MDM1: variants seen among roughly 807,000 people sequenced by gnomAD.
MDM1 encodes Mdm1 nuclear protein.
In MDM1, 61 loss-of-function variants were observed where a neutral mutation model predicts 89.1. The ratio of observed to expected loss-of-function variants is 0.68; its 90% CI spans 0.56 to 0.85. MDM1 has a LOEUF of 0.85. Ranked by LOEUF, MDM1 falls within the 40% of genes least tolerant of loss-of-function variation. The probability of loss-of-function intolerance (pLI) is 0.00; values close to 1 mark genes in which losing one functional copy is unlikely to be tolerated. For missense variants in MDM1, 820 were observed against 846.5 expected (o/e 0.97, Z 0.39); for synonymous variants, 290 against 294.1 (o/e 0.99, Z 0.14).
rs146065634 is a variant in MDM1 at position 68,299,030 on chromosome 12, T to C, written c.2003-2048A>G. On this transcript the variant is annotated intron_variant, in intron 13 of 14. Transcript: ENST00000682720. ...AGACTCTCTATAACCAAAGAACTTA[T>C]AAAGACTCTTCACCCCTAAAAGCAC... 1.0e-2 allele frequency among the ~76,000 whole-genome samples: 1,519 copies of C among 152,046 alleles called. 27 individuals carry two copies. The highest frequency in any genetic ancestry group is 0.035 in the African/African-American group (1,463 of 41,454).
chr12:68,318,050 G>A (rs1474725425), intron 7 of MDM1, among the ~76,000 whole-genome samples: 2 of 152,200 alleles, frequency 1.3e-5, no homozygotes, highest in Non-Finnish European at 2.9e-5. Flanking sequence ...TAAGCACTGA[G>A]CCCACAACCT....
rs1875874984 is a variant in MDM1 at position 68,325,709 on chromosome 12, A to C, written c.499-134T>G. 3 of 1,350,074 alleles carry C rather than the reference A, an allele frequency of 2.2e-6. No individual in the cohort carries two copies. In the South Asian group the frequency reaches 6.5e-5, roughly 29 times the overall value. The allele number at this position is 1,350,074 out of a possible 1,614,324, so 83.6% of individuals were successfully genotyped here. ...TTAAATCTACAGTGCAAAATTGTTA[A>C]CTACATGCGCATTGTGGTACAGCAA... On this transcript the variant is annotated intron_variant, in intron 3 of 14. Coordinates refer to ENST00000682720, the MANE Select transcript of MDM1 (RefSeq NM_001354969.2).
In MDM1 at chr12:68,326,685, T is replaced by C. The variant is rs1438559207; in HGVS notation, c.470A>G (p.Lys157Arg). 1 of 1,614,180 alleles carries C rather than the reference T, an allele frequency of 6.2e-7. No individual in the cohort carries two copies. The highest frequency in any genetic ancestry group is 1.1e-5 in the South Asian group (1 of 91,080). ...ATTATCTACATTTTCTGAAAGAACC[T>C]TGGTAGAATGTTCCAGTTCCACATT... ...NENVELEHST[K>R]VLSENVDNGL... is the part of the protein sequence containing the mutation. Residue 157 changes from lysine to arginine, a missense_variant, in exon 3 of 15, where the codon AAG (lysine) becomes AGG (arginine). Transcript: ENST00000682720.
At chr12:68,317,263 A>T (rs1453289672) in intron 7 of MDM1, among the ~76,000 whole-genome samples, 1 of 152,154 alleles carries the variant, frequency 6.6e-6, no homozygotes, top group Non-Finnish European at 1.5e-5. Flanking sequence ...GGCTTCTCCA[A>T]GTACAATTCC....
intron 2 of MDM1, chr12:68,327,506 A>T: frequency 1.3e-6 from 2 of 1,535,658 alleles, no homozygotes; most frequent in South Asian, 2.4e-5. Flanking sequence ...ATCTGCCTTG[A>T]TTTCCTGAGA....
At chr12:68,300,693 A>G (rs1232802611) in intron 13 of MDM1, among the ~76,000 whole-genome samples, 2 of 152,242 alleles carry the variant, frequency 1.3e-5, no homozygotes, top group Non-Finnish European at 2.9e-5. Context: ...GAAATGAAGT[A>G]GACAGCGACA....
intron 12 of MDM1, among the ~76,000 whole-genome samples, chr12:68,305,224 T>G (rs1471522434): frequency 1.3e-5 from 2 of 152,164 alleles, no homozygotes; most frequent in African/African-American, 4.8e-5. Context: ...TATCCCTTCA[T>G]GATAAAAATC....
chr12:68,314,613 T>C (rs1042487554), intron 10 of MDM1, among the ~76,000 whole-genome samples: 2 of 152,224 alleles, frequency 1.3e-5, no homozygotes, highest in African/African-American at 4.8e-5. Context: ...CATCTGATAT[T>C]AAAGAACACC....
intron 4 of MDM1, among the ~76,000 whole-genome samples, chr12:68,324,422 C>T (rs1188613860): frequency 6.6e-6 from 1 of 152,038 alleles, no homozygotes; most frequent in Admixed American, 6.5e-5. Context: ...GTATTTATCA[C>T]TTTGTTACTT....
At position 68,326,708 on chromosome 12, in the gene MDM1, ATTTT is replaced by A; in HGVS notation, c.443_446del (p.Glu148ValfsTer15). ...CCTTGGTAGAATGTTCCAGTTCCAC[ATTTT>A]CATTAACTGGTGTATGGTTTGTTAC... On this transcript the variant is annotated frameshift_variant, in exon 3 of 15. Transcript: ENST00000682720. LOFTEE classifies it high-confidence loss of function. The A allele has an allele frequency of 6.2e-7, 1 of 1,614,080 alleles. No homozygotes were observed. Among genetic ancestry groups the A allele is most frequent in the Non-Finnish European group, 8.5e-7 (1 of 1,180,006 alleles).
At chr12:68,295,407 A>G (rs1030600549) in intron 14 of MDM1, 41 bp from the exon 15 acceptor site, 1 of 1,198,296 alleles carries the variant, frequency 8.3e-7, no homozygotes. Flanking sequence ...ATTGCCAAAA[A>G]TATCTATTAA....
At chr12:68,331,895 T>C in intron 1 of MDM1, 1 of 628,444 alleles carries the variant, frequency 1.6e-6, no homozygotes, top group Non-Finnish European at 3.0e-6. Flanking sequence ...CTAAGCTAAA[T>C]GGGCCACAGG....
intron 3 of MDM1, 34 bp downstream of exon 3, chr12:68,326,623 T>C (rs755062710): frequency 5.0e-6 from 8 of 1,614,012 alleles, no homozygotes; most frequent in South Asian, 2.2e-5. Flanking sequence ...AAGAATTCTA[T>C]GCTTTTGAAA....
intron 12 of MDM1, among the ~76,000 whole-genome samples, chr12:68,303,387 C>T (rs915837299): frequency 1.3e-5 from 2 of 152,076 alleles, no homozygotes; most frequent in Non-Finnish European, 2.9e-5. Context: ...GAGAAACTGG[C>T]AACCTCATAG....
chr12:68,307,562 G>A (rs147503749), intron 12 of MDM1, among the ~76,000 whole-genome samples: 127 of 152,242 alleles, frequency 8.3e-4, no homozygotes, highest in Non-Finnish European at 1.4e-3. Flanking sequence ...GATTGCCTAA[G>A]CCCAGAAGGT....
intron 12 of MDM1, among the ~76,000 whole-genome samples, chr12:68,307,767 A>T (rs889649146): frequency 1.3e-5 from 2 of 151,964 alleles, no homozygotes; most frequent in Non-Finnish European, 2.9e-5. Context: ...GCAAAACCAC[A>T]TCTCTACTAA....
chr12:68,332,178 C>T (rs996558898), intron 1 of MDM1, 50 bp downstream of exon 1: 16 of 1,507,994 alleles, frequency 1.1e-5, no homozygotes, highest in Middle Eastern at 3.5e-4. Flanking sequence ...CACACCTCCC[C>T]GGCCATGGCT....
At chr12:68,314,879 T>C (rs865795502) in intron 10 of MDM1, 69 bp downstream of exon 10, 1 of 1,308,556 alleles carries the variant, frequency 7.6e-7, no homozygotes, top group Non-Finnish European at 1.1e-6. Flanking sequence ...AACCACTATA[T>C]TTAGTGACAA....
rs138785913 is a variant in MDM1 at position 68,329,960 on chromosome 12, G to A, written c.133+1147C>T. On this transcript the variant is annotated intron_variant, in intron 2 of 14. Coordinates refer to ENST00000682720, the MANE Select transcript of MDM1 (RefSeq NM_001354969.2). ...TGCCACTTACTAGCTGTAAAGCTGG[G>A]GCAGCGACCTCATCTCCCTAAGCTT... Among the ~76,000 whole-genome samples, 841 of 152,218 alleles carry A rather than the reference G, an allele frequency of 5.5e-3. 8 individuals are homozygous for A. The highest frequency in any genetic ancestry group is 0.031 in the South Asian group (150 of 4,826).
Sources: allele counts gnomAD v4.1 joint callset (sites outside exome capture counted in the v4.1 genomes callset), GRCh38; gene constraint gnomAD v4.1.1; transcripts MANE v1.5; gene names NCBI Gene and HGNC (gene_info 2026-07-23, HGNC 2026-07-21).